Variants in SEMA3A observed in about 807,000 individuals in gnomAD.
SEMA3A encodes the protein semaphorin-3A.
A neutral mutation model predicts 97.9 loss-of-function variants in SEMA3A; 29 were observed. The ratio of observed to expected loss-of-function variants is 0.30; its 90% CI spans 0.22 to 0.40. SEMA3A has a LOEUF of 0.40. SEMA3A is among the 10% of genes least tolerant of loss of function. SEMA3A has a pLI of 1.00. For missense variants in SEMA3A, 763 were observed against 951.3 expected (o/e 0.80, Z 2.60); for synonymous variants, 321 against 323.7 (o/e 0.99, Z 0.09).
chr7:84,167,031 G>A (rs1035510946), intron 1 of SEMA3A, among the ~76,000 whole-genome samples: 4 of 152,134 alleles, frequency 2.6e-5, no homozygotes, highest in East Asian at 1.9e-4. Context: ...ATGAATGAAC[G>A]AATACTGCAA....
intron 7 of SEMA3A, 97 bp downstream of exon 7, chr7:84,014,112 T>C (rs764556444): frequency 1.0e-6 from 1 of 962,584 alleles, no homozygotes; most frequent in African/African-American, 1.7e-5. Flanking sequence ...GCTTTAGCCA[T>C]AATTTTTATT....
intron 1 of SEMA3A, among the ~76,000 whole-genome samples, chr7:84,382,589 T>C (rs970815871): frequency 1.3e-5 from 2 of 148,558 alleles, no homozygotes; most frequent in Non-Finnish European, 3.0e-5. Flanking sequence ...CCTGGCACAG[T>C]GGCTCACGCC....
At chr7:84,325,294 T>G (rs1385680141) in intron 2 of SEMA3A, among the ~76,000 whole-genome samples, 1 of 152,196 alleles carries the variant, frequency 6.6e-6, no homozygotes, top group East Asian at 1.9e-4. Context: ...GACAATCAAC[T>G]AATCAATCAA....
At chr7:84,351,819 T>G (rs1490775800) in intron 2 of SEMA3A, among the ~76,000 whole-genome samples, 2 of 151,864 alleles carry the variant, frequency 1.3e-5, no homozygotes, top group Non-Finnish European at 2.9e-5. Flanking sequence ...TGGAGGTTCC[T>G]CAAAAAACTA....
intron 1 of SEMA3A, among the ~76,000 whole-genome samples, chr7:84,392,530 G>C (rs1352690572): frequency 2.0e-5 from 3 of 152,078 alleles, no homozygotes; most frequent in African/African-American, 7.2e-5. Context: ...CAATAAACAT[G>C]GATGTGCAAA....
chr7:84,128,022 T>C (rs78419897), intron 3 of SEMA3A, among the ~76,000 whole-genome samples: 5,289 of 152,278 alleles, frequency 0.035, 118 homozygotes, highest in South Asian at 0.07. Context: ...TAAATGATTA[T>C]AAAACTACTT....
Position 83,963,280 on chromosome 7 carries a change from C to G in SEMA3A, c.1785G>C (p.Leu595Phe). 1 of 1,613,768 alleles carries G rather than the reference C, an allele frequency of 6.2e-7. No individual in the cohort carries two copies. Among genetic ancestry groups the G allele is most frequent in the Non-Finnish European group, 8.5e-7 (1 of 1,179,988 alleles). ...CTCTCTGCGACTTCGGACTGCATTCCAAAAATGTGCTACTATTCTCTACAC... is the reference window on the plus strand; with the variant it reads ...CTCTCTGCGACTTCGGACTGCATTCGAAAAATGTGCTACTATTCTCTACAC... The part of the protein sequence containing the change: ...IYGVENSSTF[L>F]ECSPKSQRAL... The change falls in exon 16 of 17, where the codon TTG (leucine) becomes TTC (phenylalanine). Residue 595 changes from leucine (L) to phenylalanine (F), a missense_variant. Leu to Phe is a conservative substitution (Grantham distance 22). This residue lies in a region of SEMA3A where 678 missense variants were observed against 881.3 expected (regional missense o/e 0.77). Coordinates refer to ENST00000265362, the MANE Select transcript of SEMA3A (RefSeq NM_006080.3).
intron 2 of SEMA3A, among the ~76,000 whole-genome samples, chr7:84,321,692 C>G (rs1009214821): frequency 1.3e-5 from 2 of 151,428 alleles, no homozygotes; most frequent in Non-Finnish European, 2.9e-5. Context: ...CTGGCTAACA[C>G]AGTGAAATCC....
At chr7:84,454,360 A>T (rs1172541095) in intron 1 of SEMA3A, among the ~76,000 whole-genome samples, 4 of 152,174 alleles carry the variant, frequency 2.6e-5, no homozygotes, top group African/African-American at 9.6e-5. Context: ...GCCTTGTCCA[A>T]AGAGTTACTA....
chr7:84,067,003 A>G (rs76068940), intron 4 of SEMA3A, among the ~76,000 whole-genome samples: 3,666 of 152,100 alleles, frequency 0.024, 62 homozygotes, highest in Non-Finnish European at 0.04. Context: ...GAGGCATCAC[A>G]CTACCTGACT....
intron 4 of SEMA3A, among the ~76,000 whole-genome samples, chr7:84,108,918 A>AAG (rs1347821403): frequency 1.3e-5 from 2 of 151,600 alleles, no homozygotes; most frequent in African/African-American, 2.4e-5. Flanking sequence ...AAGAAAAAAA[A>AAG]AAAAAAAAAG....
At chr7:84,100,300 A>C (rs2115895690) in intron 4 of SEMA3A, among the ~76,000 whole-genome samples, 1 of 152,276 alleles carries the variant, frequency 6.6e-6, no homozygotes, top group African/African-American at 2.4e-5. Context: ...CTAAACCAGA[A>C]CTAATCATTT....
Position 84,067,366 on chromosome 7 carries a change from GGAC to G in SEMA3A, c.454-6811_454-6809del, listed in dbSNP as rs1357976062. On this transcript the variant is annotated intron_variant, in intron 4 of 16. Transcript: ENST00000265362. Reference sequence around the variant, plus strand: ...CCATTCAGGACATAAGCATGGGCAAGGACTTCATGTCTAAAACACCAAAAGCCA... The same window carrying G: ...CCATTCAGGACATAAGCATGGGCAAGTTCATGTCTAAAACACCAAAAGCCA... Among the ~76,000 whole-genome samples, 5 of 152,066 alleles carry G rather than the reference GGAC, an allele frequency of 3.3e-5. No individual in the cohort carries two copies. In the East Asian group the frequency reaches 9.6e-4, roughly 29 times the overall value.
At chr7:84,050,920 C>G (rs1792601324) in intron 5 of SEMA3A, among the ~76,000 whole-genome samples, 1 of 151,436 alleles carries the variant, frequency 6.6e-6, no homozygotes, top group Non-Finnish European at 1.5e-5. Context: ...TTTCAGTTTT[C>G]TACATATGGC....
At chr7:84,101,747 T>C (rs1181523655) in intron 4 of SEMA3A, among the ~76,000 whole-genome samples, 1 of 152,200 alleles carries the variant, frequency 6.6e-6, no homozygotes, top group African/African-American at 2.4e-5. Context: ...CTTGTCATTC[T>C]GCATTCTATC....
chr7:84,055,041 TGAG>T (rs1792892363), intron 5 of SEMA3A, among the ~76,000 whole-genome samples: 2 of 152,018 alleles, frequency 1.3e-5, no homozygotes. Flanking sequence ...GGGACCCACT[TGAG>T]GAGGCAGTCT....
intron 1 of SEMA3A, among the ~76,000 whole-genome samples, chr7:84,180,221 C>T (rs1797699594): frequency 1.3e-5 from 2 of 151,196 alleles, no homozygotes; most frequent in African/African-American, 4.9e-5. Context: ...CCTGGGATTA[C>T]AGGCATGAGC....
intron 4 of SEMA3A, among the ~76,000 whole-genome samples, chr7:84,078,187 G>A (rs1267537174): frequency 6.6e-6 from 1 of 151,774 alleles, no homozygotes; most frequent in Non-Finnish European, 1.5e-5. Flanking sequence ...ACAATAAGTA[G>A]GGTCCCTGTA....
intron 15 of SEMA3A, among the ~76,000 whole-genome samples, chr7:83,975,384 A>G (rs893870098): frequency 1.3e-5 from 2 of 152,198 alleles, no homozygotes; most frequent in African/African-American, 4.8e-5. Context: ...TCAATTGATT[A>G]ATTCATAATG....
Sources: allele counts gnomAD v4.1 joint callset (sites outside exome capture counted in the v4.1 genomes callset), GRCh38; gene constraint gnomAD v4.1.1; regional missense constraint gnomAD v4.1.1; transcripts MANE v1.5; gene names NCBI Gene and HGNC (gene_info 2026-07-23, HGNC 2026-07-21).